The following DACH2 variants were observed in gnomAD, a reference collection of about 807,000 sequenced individuals.
DACH2 encodes the protein dachshund family transcription factor 2.
Under a neutral mutation model 35.8 loss-of-function variants are expected in DACH2, and 17 were observed. That is an observed-to-expected ratio of 0.48 (90% CI 0.33 to 0.71). The LOEUF (loss-of-function observed/expected upper bound fraction) is 0.71, where lower values mean the gene tolerates loss of function less well. Among genes scored for constraint, DACH2 ranks in the 30% least tolerant of loss-of-function variants. The pLI, the probability that DACH2 is intolerant of heterozygous loss-of-function variation, is 0.02. For synonymous variants in DACH2, 195 were observed against 177.3 expected (o/e 1.10, Z -0.79); for missense variants, 469 against 472.7 (o/e 0.99, Z 0.07).
intron 2 of DACH2, among the ~76,000 whole-genome samples, chrX:86,391,130 AAGTT>A (rs779978271): frequency 9.6e-6 from 1 of 104,693 alleles, no homozygotes; most frequent in African/African-American, 3.5e-5. Flanking sequence ...AAAATACAAA[AAGTT>A]AGCCAGGTGT....
Position 86,650,783 on chromosome X carries a change from T to C in DACH2, c.641-253T>C, listed in dbSNP as rs925973192. On this transcript the variant is annotated intron_variant, in intron 3 of 11. Transcript: ENST00000373125. ...GGAATTATAAGAATTGAAAGTTACATTGTTAAAAATATTAACAAATTCAAG... is the reference window on the plus strand; with the variant it reads ...GGAATTATAAGAATTGAAAGTTACACTGTTAAAAATATTAACAAATTCAAG... Among the ~76,000 whole-genome samples the C allele has an allele frequency of 2.7e-5, 3 of 111,412 alleles. No individual in the cohort carries two copies. The East Asian group carries it at 8.4e-4, about 31-fold the overall frequency.
chrX:86,343,629 T>A (rs1273027921), intron 1 of DACH2, among the ~76,000 whole-genome samples: 2 of 111,824 alleles, frequency 1.8e-5, no homozygotes, highest in African/African-American at 6.5e-5. Flanking sequence ...AGTGATAATA[T>A]CCTTGGCATT....
chrX:86,297,864 C>T (rs1379069972), intron 1 of DACH2, among the ~76,000 whole-genome samples: 1 of 111,526 alleles, frequency 9.0e-6, no homozygotes, highest in Non-Finnish European at 1.9e-5. Context: ...GTGAAAGTGA[C>T]CGCTATTAAT....
At position 86,415,171 on chromosome X, in the gene DACH2, A is replaced by G. The variant is rs756248575; in HGVS notation, c.527+38309A>G. Among the ~76,000 whole-genome samples, 5 of 112,240 alleles carry G rather than the reference A, an allele frequency of 4.5e-5. No homozygotes were observed. The South Asian group carries it at 1.9e-3, about 42-fold the overall frequency. The stretch of plus-strand genomic sequence containing the variant: ...GTCCTGAGCACCTGTGTCTTAGTAA[A>G]TAGACCAGAATTGATGAAAAAACTA... On this transcript the variant is annotated intron_variant, in intron 2 of 11. Transcript: ENST00000373125.
At chrX:86,254,775 TAA>T (rs2033470682) in intron 1 of DACH2, among the ~76,000 whole-genome samples, 16 of 21,759 alleles carry the variant, frequency 7.4e-4, no homozygotes, top group South Asian at 3.5e-3. Flanking sequence ...GTTATTCAAA[TAA>T]ATAAATATAT....
chrX:86,330,214 C>A (rs1030370317), intron 1 of DACH2, among the ~76,000 whole-genome samples: 2 of 111,227 alleles, frequency 1.8e-5, no homozygotes, highest in South Asian at 3.7e-4. Flanking sequence ...TATTTTAGAT[C>A]ATCAAAATCT....
intron 2 of DACH2, among the ~76,000 whole-genome samples, chrX:86,435,847 T>C (rs2148176949): frequency 8.9e-6 from 1 of 111,862 alleles, no homozygotes; most frequent in Admixed American, 9.5e-5. Context: ...AAATGGCAGT[T>C]AGCATGTACA....
At chrX:86,717,616 T>C (rs2041352228) in intron 6 of DACH2, among the ~76,000 whole-genome samples, 1 of 108,120 alleles carries the variant, frequency 9.2e-6, no homozygotes, top group South Asian at 4.0e-4. Context: ...ACCCATGAAA[T>C]GTAGGATAAA....
intron 4 of DACH2, among the ~76,000 whole-genome samples, chrX:86,689,256 T>G (rs1299450892): frequency 9.8e-6 from 1 of 101,729 alleles, no homozygotes; most frequent in Non-Finnish European, 2.0e-5. Context: ...AATATTCTAT[T>G]TTCTGAATGC....
intron 2 of DACH2, among the ~76,000 whole-genome samples, chrX:86,477,824 A>G (rs915659618): frequency 9.1e-6 from 1 of 110,133 alleles, no homozygotes; most frequent in Non-Finnish European, 1.9e-5. Context: ...TCTTTTGTGT[A>G]TCTATTTTAT....
Position 86,189,693 on chromosome X carries a change from G to A in DACH2, c.488+40585G>A, listed in dbSNP as rs111383666. Among the ~76,000 whole-genome samples the A allele has an allele frequency of 1.9e-3, 212 of 111,459 alleles. 1 individual carries two copies. The highest frequency in any genetic ancestry group is 6.8e-3 in the African/African-American group (209 of 30,714). The stretch of plus-strand genomic sequence containing the variant: ...TGACTGTAAAAATATTATATAAGTT[G>A]TAGCTGATTAGTAATAAACAAGATA... On this transcript the variant is annotated intron_variant, in intron 1 of 11. Transcript: ENST00000373125.
chrX:86,779,968 C>T (rs1449110111), intron 7 of DACH2, among the ~76,000 whole-genome samples: 1 of 110,491 alleles, frequency 9.1e-6, no homozygotes, highest in Non-Finnish European at 1.9e-5. Flanking sequence ...TCTCATCCTC[C>T]CAAGTGCAGC....
intron 7 of DACH2, among the ~76,000 whole-genome samples, chrX:86,765,697 G>GTTTTTTTTTTTTT (rs2041925172): frequency 8.5e-5 from 3 of 35,233 alleles, no homozygotes; most frequent in Admixed American, 3.7e-4. Context: ...GTTGTTTTTT[G>GTTTTTTTTTTTTT]GTTTTTTTTT....
At chrX:86,326,492 C>T (rs1176835793) in intron 1 of DACH2, among the ~76,000 whole-genome samples, 3 of 87,480 alleles carry the variant, frequency 3.4e-5, no homozygotes, top group Non-Finnish European at 2.4e-5. Context: ...TATACATACA[C>T]ACACACACAC....
chrX:86,640,826 T>C (rs1227506523), intron 3 of DACH2, among the ~76,000 whole-genome samples: 1 of 111,627 alleles, frequency 9.0e-6, no homozygotes, highest in East Asian at 2.8e-4. Context: ...ATCCCAAAGC[T>C]TCAACCCCAA....
chrX:86,221,200 G>T (rs2032702753), intron 1 of DACH2, among the ~76,000 whole-genome samples: 2 of 111,335 alleles, frequency 1.8e-5, no homozygotes, highest in African/African-American at 6.5e-5. Flanking sequence ...TAAATCTTCT[G>T]TTTAAGTATT....
At chrX:86,651,291 G>T in intron 4 of DACH2, 124 bp downstream of exon 4, 1 of 674,749 alleles carries the variant, frequency 1.5e-6, no homozygotes. Context: ...TACTCAAGAG[G>T]GATGATTAGC....
At chrX:86,707,274 C>A (rs570202386) in intron 5 of DACH2, among the ~76,000 whole-genome samples, 2 of 111,561 alleles carry the variant, frequency 1.8e-5, no homozygotes, top group African/African-American at 6.5e-5. Context: ...TCTACCAATA[C>A]TCACACAAGA....
chrX:86,796,340 G>T (rs929297213), intron 7 of DACH2, among the ~76,000 whole-genome samples: 2 of 111,198 alleles, frequency 1.8e-5, no homozygotes, highest in African/African-American at 3.3e-5. Flanking sequence ...GACACAGAGC[G>T]CTCCTTGGTG....
Sources: gnomAD v4.1 joint callset for allele counts (sites outside exome capture counted in the v4.1 genomes callset) on GRCh38, gnomAD v4.1.1 for gene constraint, MANE v1.5 for transcripts, NCBI Gene and HGNC (gene_info 2026-07-23, HGNC 2026-07-21) for gene names.